Variants in BTBD10 observed in about 807,000 individuals in gnomAD.
BTBD10 encodes BTB/POZ domain-containing protein 10.
A neutral mutation model predicts 53.2 loss-of-function variants in BTBD10; 21 were observed. The observed-to-expected ratio is 0.39, with a 90% CI of 0.28 to 0.57. The LOEUF is 0.57. BTBD10 is among the 20% of genes least tolerant of loss of function. BTBD10 has a pLI of 0.53. For synonymous variants in BTBD10, 149 were observed against 192.7 expected, an observed-to-expected ratio of 0.77 and a Z score of 1.88; for missense variants, 360 against 594.7, an observed-to-expected ratio of 0.61 and a Z score of 4.10.
chr11:13,434,913 T>C (rs2134007207), intron 2 of BTBD10, among the ~76,000 whole-genome samples: 1 of 152,328 alleles, frequency 6.6e-6, no homozygotes, highest in South Asian at 2.1e-4. Context: ...GATGACTCCA[T>C]GATTTTGTCC....
chr11:13,452,138 T>C (rs1324600700), intron 1 of BTBD10, among the ~76,000 whole-genome samples: 1 of 152,094 alleles, frequency 6.6e-6, no homozygotes, highest in Non-Finnish European at 1.5e-5. Flanking sequence ...ATAATAAAGG[T>C]AGGTAAGTTA....
intron 1 of BTBD10, among the ~76,000 whole-genome samples, chr11:13,455,394 C>G (rs1191872447): frequency 1.3e-5 from 2 of 152,156 alleles, no homozygotes; most frequent in African/African-American, 2.4e-5. Context: ...CACATTAACA[C>G]TTCAATAAAT....
chr11:13,401,680 C>T (rs1949718789), intron 8 of BTBD10, among the ~76,000 whole-genome samples: 1 of 152,096 alleles, frequency 6.6e-6, no homozygotes. Flanking sequence ...TCACAACTAT[C>T]CTCTAAGATA....
chr11:13,403,355 A>T (rs916040633), intron 7 of BTBD10, 77 bp from the exon 8 acceptor site: 7 of 801,416 alleles, frequency 8.7e-6, no homozygotes, highest in Non-Finnish European at 1.3e-5. Flanking sequence ...CTTGCTCATC[A>T]AAGGGGCCTA....
chr11:13,421,270 C>T (rs1950237224), intron 3 of BTBD10, among the ~76,000 whole-genome samples: 1 of 152,112 alleles, frequency 6.6e-6, no homozygotes, highest in African/African-American at 2.4e-5. Flanking sequence ...GGCTATTCTA[C>T]CTTTCAGGTC....
At chr11:13,411,958 A>T (rs1638733438) in intron 6 of BTBD10, among the ~76,000 whole-genome samples, 1 of 151,716 alleles carries the variant, frequency 6.6e-6, no homozygotes, top group Non-Finnish European at 1.5e-5. Flanking sequence ...CAGCCTCCCG[A>T]GTAGCTGGAA....
chr11:13,402,215 C>A (rs1258591254), intron 8 of BTBD10, among the ~76,000 whole-genome samples: 1 of 152,190 alleles, frequency 6.6e-6, no homozygotes, highest in Non-Finnish European at 1.5e-5. Context: ...TCTGGTTATT[C>A]TTCCTATATA....
At chr11:13,394,625 C>T (rs1293329043) in intron 8 of BTBD10, among the ~76,000 whole-genome samples, 2 of 152,036 alleles carry the variant, frequency 1.3e-5, no homozygotes, top group Non-Finnish European at 2.9e-5. Flanking sequence ...ATACATGTGC[C>T]ATGTTGGTGT....
chr11:13,431,563 T>C (rs1256919276), intron 2 of BTBD10, among the ~76,000 whole-genome samples: 1 of 152,190 alleles, frequency 6.6e-6, no homozygotes, highest in Non-Finnish European at 1.5e-5. Context: ...TTCACTTTGT[T>C]TCAAAATCAT....
At chr11:13,451,275 C>G (rs1950853767) in intron 1 of BTBD10, among the ~76,000 whole-genome samples, 1 of 152,154 alleles carries the variant, frequency 6.6e-6, no homozygotes, top group Non-Finnish European at 1.5e-5. Context: ...TTGATGCTTT[C>G]TAAGCTGAAT....
chr11:13,393,012 G>A (rs1949446951), intron 8 of BTBD10, among the ~76,000 whole-genome samples: 1 of 152,184 alleles, frequency 6.6e-6, no homozygotes, highest in Admixed American at 6.5e-5. Flanking sequence ...GTTGAGAGAT[G>A]TTGTTCCATT....
intron 8 of BTBD10, among the ~76,000 whole-genome samples, chr11:13,395,228 T>C (rs1380084146): frequency 2.0e-5 from 3 of 151,524 alleles, no homozygotes; most frequent in African/African-American, 4.8e-5. Context: ...TTTTAATGAT[T>C]GCCATTCTAA....
intron 3 of BTBD10, among the ~76,000 whole-genome samples, chr11:13,420,318 T>C (rs546128180): frequency 2.4e-5 from 2 of 81,872 alleles, no homozygotes; most frequent in African/African-American, 7.2e-5. Context: ...GTAAGAAGTA[T>C]TTTTTTTTAA....
chr11:13,421,893 A>C (rs1950249209), intron 2 of BTBD10, 55 bp from the exon 3 acceptor site: 2 of 1,403,296 alleles, frequency 1.4e-6, no homozygotes, highest in East Asian at 4.9e-5. Context: ...GATTGGAAAC[A>C]TTTTAAAAGA....
rs752423002 is a variant in BTBD10, at chr11:13,389,055, G to A, written c.1204C>T (p.Arg402Ter). The A allele has an allele frequency of 1.2e-6, 2 of 1,614,048 alleles. No individual in the cohort carries two copies. The highest frequency in any genetic ancestry group is 1.7e-6 in the Non-Finnish European group (2 of 1,180,042). Reference sequence around the variant, plus strand: ...CCTTCTTCCTTCTCCCAGGACATTCGAATAAAGGGTCTTTGGACATAGTTG... The same window carrying A: ...CCTTCTTCCTTCTCCCAGGACATTCAAATAAAGGGTCTTTGGACATAGTTG... The part of the protein sequence containing the change: ...IYNYVQRPFI[R>*]MSWEKEEGKS... The change falls in exon 9 of 9, where the codon CGA becomes TGA. Residue 402 changes from arginine (R) to a stop codon, truncating the protein, a stop_gained. Transcript: ENST00000278174. LOFTEE classifies it high-confidence loss of function.
rs548534782 is a variant in BTBD10, at chr11:13,445,782, C to CA, written c.-57-602dup. ...AATTCATATACTTTATGCCTTTTCA[C>CA]ATGTGAGGCTTGTAACTGCTATTTC... On this transcript the variant is annotated intron_variant, in intron 1 of 8. Transcript: ENST00000278174. Among the ~76,000 whole-genome samples the CA allele has an allele frequency of 3.4e-3, 525 of 152,270 alleles. 2 individuals are homozygous for CA. Among genetic ancestry groups the CA allele is most frequent in the African/African-American group, 0.012 (513 of 41,564 alleles).
intron 1 of BTBD10, among the ~76,000 whole-genome samples, chr11:13,452,625 A>C (rs546169716): frequency 6.6e-6 from 1 of 152,270 alleles, no homozygotes; most frequent in African/African-American, 2.4e-5. Flanking sequence ...AACGACATAC[A>C]TAAACTTTTG....
At chr11:13,430,817 TAG>T (rs1391470838) in intron 2 of BTBD10, among the ~76,000 whole-genome samples, 3 of 151,936 alleles carry the variant, frequency 2.0e-5, no homozygotes, top group Non-Finnish European at 1.5e-5. Context: ...CTAGGAAACA[TAG>T]AGTACTGTAT....
chr11:13,419,505 A>C lies in BTBD10; in HGVS notation c.539T>G (p.Val180Gly). Reference protein sequence around the residue: ...TLIVDNTRFVVDPSIFTAQPN... With the variant: ...TLIVDNTRFVGDPSIFTAQPN... Reference sequence around the variant, plus strand: ...CTGTGCAGTAAAAATGGATGGGTCTACAACAAATCTAGTGTTATCCACTAT... The same window carrying C: ...CTGTGCAGTAAAAATGGATGGGTCTCCAACAAATCTAGTGTTATCCACTAT... Residue 180 changes from valine (V) to glycine (G), a missense_variant, in exon 4 of 9, where the codon GTA (valine) becomes GGA (glycine). Coordinates refer to ENST00000278174, the MANE Select transcript of BTBD10 (RefSeq NM_032320.7). 2 of 1,614,070 alleles carry C rather than the reference A, an allele frequency of 1.2e-6. No homozygotes were observed. Among genetic ancestry groups the C allele is most frequent in the Non-Finnish European group, 8.5e-7 (1 of 1,179,942 alleles).
Sources: gnomAD v4.1 joint callset for allele counts (sites outside exome capture counted in the v4.1 genomes callset) on GRCh38, gnomAD v4.1.1 for gene constraint, MANE v1.5 for transcripts, NCBI Gene and HGNC (gene_info 2026-07-23, HGNC 2026-07-21) for gene names.